Variants in PDE6A observed in about 807,000 individuals in gnomAD.
The protein encoded by PDE6A is rod cGMP-specific 3',5'-cyclic phosphodiesterase subunit alpha.
Under a neutral mutation model 106.3 loss-of-function variants are expected in PDE6A, and 84 were observed. That is an observed-to-expected ratio of 0.79 (90% CI 0.66 to 0.95). The LOEUF (loss-of-function observed/expected upper bound fraction) is 0.95, where lower values mean the gene tolerates loss of function less well. PDE6A is among the 40% of genes least tolerant of loss of function. The pLI, the probability that PDE6A is intolerant of heterozygous loss-of-function variation, is 0.00. For missense variants in PDE6A, 1,052 were observed against 1,084.9 expected, an observed-to-expected ratio of 0.97 and a Z score of 0.43; for synonymous variants, 394 against 386.6, an observed-to-expected ratio of 1.02 and a Z score of -0.23.
At position 149,899,579 on chromosome 5, in the gene PDE6A, G is replaced by A. The variant is rs569245588; in HGVS notation, c.1114-55C>T. 86 of 1,555,120 alleles carry A rather than the reference G, an allele frequency of 5.5e-5. No homozygotes were observed. The East Asian group carries it at 1.9e-3, about 34-fold the overall frequency. The stretch of plus-strand genomic sequence containing the variant: ...TCTTGTTTCAGGCCACAGAGGCAAC[G>A]ATGATAGATTTCACCCTACATCATG... On this transcript the variant is annotated intron_variant, in intron 8 of 21. Coordinates refer to ENST00000255266, the MANE Select transcript of PDE6A (RefSeq NM_000440.3).
At chr5:149,891,140 A>G (rs1752529089) in intron 13 of PDE6A, among the ~76,000 whole-genome samples, 1 of 152,226 alleles carries the variant, frequency 6.6e-6, no homozygotes, top group Admixed American at 6.5e-5. Context: ...AATGACAGAA[A>G]TGATGACAAA....
chr5:149,916,110 T>C (rs989626876), intron 5 of PDE6A, among the ~76,000 whole-genome samples: 1 of 152,190 alleles, frequency 6.6e-6, no homozygotes, highest in African/African-American at 2.4e-5. Context: ...AGCACTGGGA[T>C]GACAGGCATG....
rs200395835 is a variant in PDE6A at position 149,933,948 on chromosome 5, A to G, written c.699T>C (p.Cys233=). The G allele has an allele frequency of 1.2e-6, 2 of 1,613,504 alleles. No homozygotes were observed. The highest frequency in any genetic ancestry group is 1.3e-5 in the African/African-American group (1 of 75,056). Residue 233 remains cysteine (C), a synonymous_variant, in exon 3 of 22, where the codon TGT becomes TGC. Coordinates refer to ENST00000255266, the MANE Select transcript of PDE6A (RefSeq NM_000440.3). ...CCCTTACCTGGCCACGTCGAGTTTC[A>G]CAGTTGTGCAGGTAACTCAGGTGGT... ...KVYHLSYLHN[C]ETRRGQILLW... is the part of the protein sequence containing the mutation.
At chr5:149,875,233 G>A (rs560369454) in intron 17 of PDE6A, among the ~76,000 whole-genome samples, 149 of 152,222 alleles carry the variant, frequency 9.8e-4, no homozygotes, top group African/African-American at 3.4e-3. Context: ...GGGTGGGGGT[G>A]CTCCTGGTGT....
intron 8 of PDE6A, among the ~76,000 whole-genome samples, chr5:149,900,503 A>G (rs1417529193): frequency 6.6e-6 from 1 of 150,728 alleles, no homozygotes; most frequent in Non-Finnish European, 1.5e-5. Flanking sequence ...TGTAAGGTAA[A>G]CCAGCAATTA....
In PDE6A at chr5:149,860,633, T is replaced by C. The variant is rs757113295; in HGVS notation, c.*262A>G. 9.7e-6 allele frequency: 4 copies of C among 413,696 alleles called. No individual in the cohort carries two copies. The highest frequency in any genetic ancestry group is 8.1e-5 in the African/African-American group (4 of 49,642). 25.6% of individuals were successfully genotyped at this position (413,696 alleles called of 1,614,324 possible). On this transcript the variant is annotated 3_prime_UTR_variant, in exon 22 of 22. Coordinates refer to ENST00000255266, the MANE Select transcript of PDE6A (RefSeq NM_000440.3). ...ATTCATAAACTTTCTTAAAACATTA[T>C]GAAATTTTTTTTTTTGGCGATTTTT...
At chr5:149,899,042 C>T (rs573286094) in intron 9 of PDE6A, among the ~76,000 whole-genome samples, 2 of 151,994 alleles carry the variant, frequency 1.3e-5, no homozygotes, top group East Asian at 3.9e-4. Flanking sequence ...CTTTTTTTAA[C>T]TTTTTGTAGA....
chr5:149,908,840 G>T (rs1038871771), intron 6 of PDE6A, among the ~76,000 whole-genome samples: 2 of 152,122 alleles, frequency 1.3e-5, no homozygotes, highest in African/African-American at 2.4e-5. Flanking sequence ...AACATAGGGG[G>T]ACTCCATCTC....
At chr5:149,932,432 C>G in intron 3 of PDE6A, 1 of 1,389,848 alleles carries the variant, frequency 7.2e-7, no homozygotes, top group Non-Finnish European at 1.0e-6. Context: ...AGGGAGTTGA[C>G]TGAATAAGGT....
Position 149,884,499 on chromosome 5 carries a change from T to A in PDE6A, c.2007A>T (p.Thr669=). ...CCAACTTGAAATACAGGGCGAGGTCTGTGGCAATGATTGCAATGTCCATCA... is the reference window on the plus strand; with the variant it reads ...CCAACTTGAAATACAGGGCGAGGTCAGTGGCAATGATTGCAATGTCCATCA... ...IHMMDIAIIA[T]DLALYFKKRT... The change falls in exon 16 of 22, where the codon ACA becomes ACT. Residue 669 remains threonine (T), a synonymous_variant. Transcript: ENST00000255266. 1 of 1,612,838 alleles carries A rather than the reference T, an allele frequency of 6.2e-7. No individual in the cohort carries two copies. The highest frequency in any genetic ancestry group is 8.5e-7 in the Non-Finnish European group (1 of 1,178,848).
intron 17 of PDE6A, among the ~76,000 whole-genome samples, chr5:149,878,006 TG>T (rs1160553831): frequency 6.6e-6 from 1 of 152,210 alleles, no homozygotes; most frequent in East Asian, 1.9e-4. Context: ...TCCCTCCGTT[TG>T]GCTGCCCAGA....
Position 149,914,969 on chromosome 5 carries a change from A to T in PDE6A, c.972T>A (p.His324Gln). Reference sequence around the variant, plus strand: ...GGATGACTTTGATGTCCTCTTTGCCATGCAGGATGTAGTCAATGACCTTGT... The same window carrying T: ...GGATGACTTTGATGTCCTCTTTGCCTTGCAGGATGTAGTCAATGACCTTGT... ...NFYKVIDYIL[H>Q]GKEDIKVIPN... is the part of the protein sequence containing the mutation. The change falls in exon 6 of 22, where the codon CAT becomes CAA. Residue 324 changes from histidine (H) to glutamine (Q), a missense_variant. By Grantham distance (24) the His-to-Gln change is conservative. Coordinates refer to ENST00000255266, the MANE Select transcript of PDE6A (RefSeq NM_000440.3). 6.2e-7 allele frequency: 1 copy of T among 1,610,530 alleles called. No homozygotes were observed. The highest frequency in any genetic ancestry group is 1.3e-5 in the African/African-American group (1 of 74,876).
At position 149,868,077 on chromosome 5, in the gene PDE6A, G is replaced by A. The variant is rs1760397942; in HGVS notation, c.2199+18C>T. 2.5e-6 allele frequency: 4 copies of A among 1,612,068 alleles called. No homozygotes were observed. The highest frequency in any genetic ancestry group is 1.7e-5 in the Admixed American group (1 of 60,002). ...AGTACTGGGATGCCCCTCCTCTTGG[G>A]TCAGCAGGAGTTCATACCTGGCTCT... On this transcript the variant is annotated intron_variant, in intron 18 of 21. Coordinates refer to ENST00000255266, the MANE Select transcript of PDE6A (RefSeq NM_000440.3).
At chr5:149,895,644 A>T (rs1026605573) in intron 12 of PDE6A, among the ~76,000 whole-genome samples, 4 of 151,486 alleles carry the variant, frequency 2.6e-5, no homozygotes, top group African/African-American at 9.8e-5. Context: ...GAAAAAAAAA[A>T]CAAAAACAAA....
intron 17 of PDE6A, among the ~76,000 whole-genome samples, chr5:149,878,025 G>C (rs1029489094): frequency 2.0e-5 from 3 of 152,160 alleles, no homozygotes; most frequent in Non-Finnish European, 2.9e-5. Flanking sequence ...AGAGGTTTTT[G>C]TCTCTACGAC....
intron 8 of PDE6A, among the ~76,000 whole-genome samples, chr5:149,900,397 A>ATATATATATATATATATATATATATATC (rs1240396619): frequency 7.4e-6 from 1 of 135,028 alleles, no homozygotes; most frequent in South Asian, 2.4e-4. Context: ...ATATATATAT[A>ATATATATATATATATATATATATATATC]TCCGTTGGTT....
intron 5 of PDE6A, among the ~76,000 whole-genome samples, chr5:149,920,350 G>A (rs1266151287): frequency 6.6e-6 from 1 of 152,140 alleles, no homozygotes; most frequent in African/African-American, 2.4e-5. Context: ...GGAGGCCGAG[G>A]TGGGCGGATC....
intron 16 of PDE6A, among the ~76,000 whole-genome samples, chr5:149,883,916 G>T (rs1451035710): frequency 1.3e-5 from 2 of 152,162 alleles, no homozygotes; most frequent in African/African-American, 4.8e-5. Context: ...ATTGTTGCTG[G>T]GTGCAGTGGC....
chr5:149,914,998 A>G lies in PDE6A; in HGVS notation c.943T>C (p.Phe315Leu). Reference sequence around the variant, plus strand: ...AGGATGTAGTCAATGACCTTGTAAAAGTTAATTTCCTGGCAAAAGAGAGAA... The same window carrying G: ...AGGATGTAGTCAATGACCTTGTAAAGGTTAATTTCCTGGCAAAAGAGAGAA... ...PRTPDGREIN[F>L]YKVIDYILHG... The change falls in exon 6 of 22, where the codon TTT becomes CTT. Residue 315 changes from phenylalanine to leucine, a missense_variant. Physicochemically the swap from Phe to Leu is conservative, Grantham distance 22. Around this residue, in one of 3 missense-constraint regions of PDE6A, gnomAD observed 913 missense variants for 915.2 expected, o/e 1.00. Transcript: ENST00000255266. 6.3e-7 allele frequency: 1 copy of G among 1,591,670 alleles called. No homozygotes were observed. Among genetic ancestry groups the G allele is most frequent in the Non-Finnish European group, 8.6e-7 (1 of 1,161,662 alleles).
Sources: allele counts gnomAD v4.1 joint callset (sites outside exome capture counted in the v4.1 genomes callset), GRCh38; gene constraint gnomAD v4.1.1; regional missense constraint gnomAD v4.1.1; transcripts MANE v1.5; gene names NCBI Gene and HGNC (gene_info 2026-07-23, HGNC 2026-07-21).